The following FAM161A variants were observed in gnomAD, a reference collection of about 807,000 sequenced individuals.
FAM161A encodes the protein FAM161 centrosomal protein A.
FAM161A carries 57 observed loss-of-function variants against 70.9 expected under a neutral mutation model. That is an observed-to-expected ratio of 0.80 (90% CI 0.65 to 1.00). The LOEUF is 1.00. Among genes scored for constraint, FAM161A ranks in the 50% least tolerant of loss-of-function variants. The pLI is 0.00. For synonymous variants in FAM161A, 299 were observed against 295.7 expected (o/e 1.01, Z -0.12); for missense variants, 880 against 836.0 (o/e 1.05, Z -0.65).
At chr2:61,835,655 T>A (rs968361204) in intron 5 of FAM161A, 1 of 184,028 alleles carries the variant, frequency 5.4e-6, no homozygotes, top group Admixed American at 5.6e-5. Flanking sequence ...TGGATTGGCA[T>A]GTTATTTATC....
In FAM161A at chr2:61,828,522, G is replaced by A. The variant is rs899514482; in HGVS notation, c.1852-1264C>T. Among the ~76,000 whole-genome samples, 3 of 152,074 alleles carry A rather than the reference G, an allele frequency of 2.0e-5. No homozygotes were observed. The South Asian group carries it at 6.2e-4, about 32-fold the overall frequency. On this transcript the variant is annotated intron_variant, in intron 5 of 6. Transcript: ENST00000404929. ...TTTTGTATTTTTTGTAGGACGGGGC[G>A]TCACTATGTTGTCCAGGATGGCCTT...
chr2:61,823,386 T>TATATATATATATA (rs1558470704), downstream of FAM161A, among the ~76,000 whole-genome samples: 17 of 135,126 alleles, frequency 1.3e-4, no homozygotes, highest in African/African-American at 1.6e-4. Context: ...TATATATATA[T>TATATATATATATA]TGAGTCAGGG....
At chr2:61,820,425 A>C, downstream of FAM161A, 1 of 757,690 alleles carries the variant, frequency 1.3e-6, no homozygotes, top group Admixed American at 1.7e-5. Flanking sequence ...ATGCAAGGCC[A>C]CACAAGGTGG....
Position 61,853,954 on chromosome 2 carries a change from A to G in FAM161A, c.88T>C (p.Tyr30His). ...NPITGARVAQ[Y>H]EREDPLKALA... ...GCCTTTAAGGGGTCTTCGCGTTCGT[A>G]CTGGGCGACCCGCGCTCCAGTGATG... The change falls in exon 1 of 7, where the codon TAC becomes CAC. Residue 30 changes from tyrosine to histidine, a missense_variant. Physicochemically the swap from Tyr to His is moderately conservative, Grantham distance 83. Coordinates refer to ENST00000404929, the MANE Select transcript of FAM161A (RefSeq NM_001201543.2). 1 of 1,613,704 alleles carries G rather than the reference A, an allele frequency of 6.2e-7. No individual in the cohort carries two copies. The highest frequency in any genetic ancestry group is 8.5e-7 in the Non-Finnish European group (1 of 1,179,792).
chr2:61,826,126 C>G lies in FAM161A; in HGVS notation c.*329G>C, dbSNP rs1056704464. 1 of 488,306 alleles carries G rather than the reference C, an allele frequency of 2.0e-6. No individual in the cohort carries two copies. The highest frequency in any genetic ancestry group is 4.0e-6 in the Non-Finnish European group (1 of 250,542). The allele number at this position is 488,306 out of a possible 1,614,324, so 30.2% of individuals were successfully genotyped here. ...ACTTCTCTCTCCTTTCAATACTAAG[C>G]CATTTTTTCCAGTAAAATTAATGAA... On this transcript the variant is annotated 3_prime_UTR_variant, in exon 7 of 7. Coordinates refer to ENST00000404929, the MANE Select transcript of FAM161A (RefSeq NM_001201543.2).
intron 6 of FAM161A, 111 bp downstream of exon 6, chr2:61,826,993 G>T (rs755212350): frequency 2.8e-5 from 29 of 1,034,042 alleles, no homozygotes; most frequent in Non-Finnish European, 4.0e-5. Flanking sequence ...TTGGGTAAAA[G>T]ATCTTTTTAA....
At position 61,827,163 on chromosome 2, in the gene FAM161A, T is replaced by C. The variant is rs934039637; in HGVS notation, c.1947A>G (p.Gly649=). 1 of 1,613,856 alleles carries C rather than the reference T, an allele frequency of 6.2e-7. No individual in the cohort carries two copies. The highest frequency in any genetic ancestry group is 1.7e-5 in the Admixed American group (1 of 60,000). ...DEFVSKKGQS[G]KVLEYFNNQE... is the part of the protein sequence containing the mutation. Reference sequence around the variant, plus strand: ...GATTGTTGAAGTACTCAAGTACTTTTCCACTTTGGCCTTTCTTTGAAACAA... The same window carrying C: ...GATTGTTGAAGTACTCAAGTACTTTCCCACTTTGGCCTTTCTTTGAAACAA... The change falls in exon 6 of 7, where the codon GGA becomes GGG. Residue 649 remains glycine (G), a synonymous_variant. Coordinates refer to ENST00000404929, the MANE Select transcript of FAM161A (RefSeq NM_001201543.2).
chr2:61,803,713 C>G, the FAM161A span, among the ~76,000 whole-genome samples: 2 of 152,196 alleles, frequency 1.3e-5, no homozygotes, highest in Admixed American at 1.3e-4. Context: ...TCTCAGGAAG[C>G]TGAGGCAGGA....
At chr2:61,818,421 T>C in the FAM161A span, among the ~76,000 whole-genome samples, 1 of 152,186 alleles carries the variant, frequency 6.6e-6, no homozygotes, top group African/African-American at 2.4e-5. Flanking sequence ...AAATGGCCAA[T>C]GCCAGGGCTG....
At chr2:61,809,547 C>G in the FAM161A span, among the ~76,000 whole-genome samples, 1 of 152,152 alleles carries the variant, frequency 6.6e-6, no homozygotes, top group African/African-American at 2.4e-5. Flanking sequence ...CCCACCCCAG[C>G]TTAGTTTGGA....
At chr2:61,819,320 G>A in the FAM161A span, among the ~76,000 whole-genome samples, 2 of 152,114 alleles carry the variant, frequency 1.3e-5, no homozygotes, top group Non-Finnish European at 2.9e-5. Flanking sequence ...AATTAGCCGG[G>A]CATGGTGGTG....
chr2:61,810,453 CTTTT>C, the FAM161A span, among the ~76,000 whole-genome samples: 1 of 95,616 alleles, frequency 1.0e-5, no homozygotes, highest in African/African-American at 4.3e-5. Context: ...CCAGCACTTC[CTTTT>C]TTTTTTTTTT....
rs1672341624 is a variant in FAM161A at position 61,825,878 on chromosome 2, C to A, written c.*577G>T. On this transcript the variant is annotated 3_prime_UTR_variant, in exon 7 of 7. Coordinates refer to ENST00000404929, the MANE Select transcript of FAM161A (RefSeq NM_001201543.2). Reference sequence around the variant, plus strand: ...GGTCTCGATCTCCTGACCTCGTGATCCACCCGTCTCGGCCTCCCAAAATGC... The same window carrying A: ...GGTCTCGATCTCCTGACCTCGTGATACACCCGTCTCGGCCTCCCAAAATGC... 2.2e-6 allele frequency: 1 copy of A among 453,690 alleles called. No individual in the cohort carries two copies. The allele number at this position is 453,690 out of a possible 1,614,324, so 28.1% of individuals were successfully genotyped here.
the FAM161A span, among the ~76,000 whole-genome samples, chr2:61,817,944 C>A: frequency 2.6e-5 from 4 of 152,170 alleles, no homozygotes; most frequent in Non-Finnish European, 4.4e-5. Context: ...GGTGACAAAG[C>A]AAGACCCTGT....
At chr2:61,827,981 G>A (rs1336164388) in intron 5 of FAM161A, among the ~76,000 whole-genome samples, 1 of 152,170 alleles carries the variant, frequency 6.6e-6, no homozygotes, top group Non-Finnish European at 1.5e-5. Flanking sequence ...GCACTGACAA[G>A]TACATATTGT....
chr2:61,839,547 G>A lies in FAM161A; in HGVS notation c.1457C>T (p.Thr486Ile). 1.2e-6 allele frequency: 2 copies of A among 1,614,152 alleles called. No homozygotes were observed. The highest frequency in any genetic ancestry group is 1.7e-6 in the Non-Finnish European group (2 of 1,180,034). ...IEADEENLKE[T>I]RWPYLSPRRK... ...CCTTGGAGACAAATAAGGCCAACGTGTTTCTTTTAAATTTTCTTCATCTGC... is the reference window on the plus strand; with the variant it reads ...CCTTGGAGACAAATAAGGCCAACGTATTTCTTTTAAATTTTCTTCATCTGC... The change falls in exon 3 of 7, where the codon ACA becomes ATA. Residue 486 changes from threonine (T) to isoleucine (I), a missense_variant. Transcript: ENST00000404929.
chr2:61,853,833 C>A lies in FAM161A; in HGVS notation c.183+26G>T, dbSNP rs769166061. 3.1e-6 allele frequency: 5 copies of A among 1,613,612 alleles called. No homozygotes were observed. The South Asian group carries it at 5.5e-5, about 18-fold the overall frequency. ...CCTGCACCCAGCCCATGCGAGGTCCCAGCCCAAGTCCCGCCCCAGTATTAC... is the reference window on the plus strand; with the variant it reads ...CCTGCACCCAGCCCATGCGAGGTCCAAGCCCAAGTCCCGCCCCAGTATTAC... On this transcript the variant is annotated intron_variant, in intron 1 of 6. Coordinates refer to ENST00000404929, the MANE Select transcript of FAM161A (RefSeq NM_001201543.2).
chr2:61,845,080 G>A (rs910835199), intron 1 of FAM161A, among the ~76,000 whole-genome samples: 7 of 152,140 alleles, frequency 4.6e-5, no homozygotes, highest in African/African-American at 1.7e-4. Context: ...AGATACAGGA[G>A]CCACCAATCC....
At chr2:61,810,825 C>T in the FAM161A span, among the ~76,000 whole-genome samples, 1 of 152,044 alleles carries the variant, frequency 6.6e-6, no homozygotes, top group African/African-American at 2.4e-5. Flanking sequence ...ATGGAGAGAT[C>T]TTGCAGGCAG....
Sources: allele counts gnomAD v4.1 joint callset (sites outside exome capture counted in the v4.1 genomes callset), GRCh38; gene constraint gnomAD v4.1.1; transcripts MANE v1.5; gene names NCBI Gene and HGNC (gene_info 2026-07-23, HGNC 2026-07-21).